SHISA9: variants seen among roughly 807,000 people sequenced by gnomAD.
The protein encoded by SHISA9 is shisa family member 9, also known as protein shisa-9.
A neutral mutation model predicts 38.0 loss-of-function variants in SHISA9; 13 were observed. The observed-to-expected ratio is 0.34, with a 90% CI of 0.22 to 0.54. SHISA9 has a LOEUF of 0.54. Ranked by LOEUF, SHISA9 falls within the 20% of genes least tolerant of loss-of-function variation. The pLI, the probability that SHISA9 is intolerant of heterozygous loss-of-function variation, is 0.91. For missense variants in SHISA9, 538 were observed against 575.8 expected (o/e 0.93, Z 0.67); for synonymous variants, 275 against 242.0 (o/e 1.14, Z -1.27).
At position 13,221,424 on chromosome 16, in the gene SHISA9, G is replaced by A. The variant is rs568842165; in HGVS notation, c.895+8124G>A. Among the ~76,000 whole-genome samples the A allele has an allele frequency of 3.7e-4, 53 of 143,758 alleles. 2 individuals carry two copies. In the South Asian group the frequency reaches 0.012, roughly 32 times the overall value. 94.3% of individuals were successfully genotyped at this position (143,758 alleles called of 152,430 possible). On this transcript the variant is annotated intron_variant, in intron 4 of 4. Coordinates refer to ENST00000558583, the MANE Select transcript of SHISA9 (RefSeq NM_001145204.3). ...TTATACCATGTAGTTCAAAAGAAGA[G>A]AGAAATACCTGGACTTTTTTTTTTT...
chr16:12,937,696 G>A (rs2071552270), intron 2 of SHISA9, among the ~76,000 whole-genome samples: 1 of 152,142 alleles, frequency 6.6e-6, no homozygotes, highest in African/African-American at 2.4e-5. Flanking sequence ...CTTCTGATAA[G>A]GGGACCCACC....
At chr16:13,393,095 G>T in the SHISA9 span, among the ~76,000 whole-genome samples, 1 of 152,172 alleles carries the variant, frequency 6.6e-6, no homozygotes, top group Non-Finnish European at 1.5e-5. Context: ...GGGAAGGTGT[G>T]CCCTGAACCA....
the SHISA9 span, among the ~76,000 whole-genome samples, chr16:13,547,978 A>T: frequency 3.3e-5 from 5 of 152,222 alleles, no homozygotes; most frequent in African/African-American, 1.2e-4. Flanking sequence ...TTACAAGTCT[A>T]TAATATGCAA....
the SHISA9 span, among the ~76,000 whole-genome samples, chr16:13,336,392 T>C: frequency 3.3e-5 from 5 of 152,344 alleles, no homozygotes; most frequent in African/African-American, 1.2e-4. Context: ...TTCAGTGCAC[T>C]GCAATTTATA....
intron 2 of SHISA9, among the ~76,000 whole-genome samples, chr16:12,991,812 A>G (rs992687805): frequency 6.6e-6 from 1 of 152,218 alleles, no homozygotes; most frequent in African/African-American, 2.4e-5. Context: ...CACCAAGATG[A>G]TAAGTGGATA....
At chr16:13,171,972 T>G (rs192089026) in intron 2 of SHISA9, among the ~76,000 whole-genome samples, 1 of 152,276 alleles carries the variant, frequency 6.6e-6, no homozygotes, top group Admixed American at 6.5e-5. Flanking sequence ...ATAACCCAAA[T>G]GAAAATGCTT....
chr16:13,174,570 G>T (rs1015465701), intron 2 of SHISA9, among the ~76,000 whole-genome samples: 13 of 152,242 alleles, frequency 8.5e-5, no homozygotes, highest in African/African-American at 2.7e-4. Flanking sequence ...AAATATTTAT[G>T]AGAAAGAATC....
At chr16:13,251,991 T>A in the SHISA9 span, among the ~76,000 whole-genome samples, 1 of 152,164 alleles carries the variant, frequency 6.6e-6, no homozygotes, top group Admixed American at 6.5e-5. Context: ...AGGTACCATG[T>A]AGGTAAAGAA....
chr16:13,051,186 C>G (rs2073247058), intron 2 of SHISA9, among the ~76,000 whole-genome samples: 1 of 152,186 alleles, frequency 6.6e-6, no homozygotes, highest in African/African-American at 2.4e-5. Flanking sequence ...ACTCACAGTT[C>G]CACATGGCTG....
At chr16:13,022,398 C>T (rs1490413690) in intron 2 of SHISA9, among the ~76,000 whole-genome samples, 1 of 151,934 alleles carries the variant, frequency 6.6e-6, no homozygotes, top group Non-Finnish European at 1.5e-5. Context: ...GTGGCACGGT[C>T]TTGGCTCACT....
At chr16:13,417,332 C>T in the SHISA9 span, among the ~76,000 whole-genome samples, 1 of 152,008 alleles carries the variant, frequency 6.6e-6, no homozygotes, top group Non-Finnish European at 1.5e-5. Context: ...AAAATGGAAG[C>T]CAACTTTCTC....
At chr16:12,909,164 A>T (rs746803037) in intron 1 of SHISA9, 28 of 986,040 alleles carry the variant, frequency 2.8e-5, no homozygotes, top group Non-Finnish European at 3.4e-5. Flanking sequence ...TTTTCTTTGC[A>T]GGGTATGTTG....
intron 1 of SHISA9, among the ~76,000 whole-genome samples, chr16:12,913,914 C>G (rs1043417389): frequency 6.6e-6 from 1 of 152,040 alleles, no homozygotes; most frequent in East Asian, 1.9e-4. Context: ...CATCAGCTGA[C>G]GGCCATTCAG....
chr16:13,516,247 GTTTGC>G, the SHISA9 span, among the ~76,000 whole-genome samples: 1 of 152,224 alleles, frequency 6.6e-6, no homozygotes, highest in South Asian at 2.1e-4. Context: ...TGGCTTCCAT[GTTTGC>G]ACACAGGCAG....
chr16:13,170,070 G>A (rs891443109), intron 2 of SHISA9, among the ~76,000 whole-genome samples: 2 of 152,004 alleles, frequency 1.3e-5, no homozygotes, highest in African/African-American at 4.8e-5. Flanking sequence ...AAGCGTGTTG[G>A]TGTATGCCTG....
At chr16:13,248,865 G>A in the SHISA9 span, among the ~76,000 whole-genome samples, 3 of 152,150 alleles carry the variant, frequency 2.0e-5, no homozygotes, top group South Asian at 2.1e-4. Flanking sequence ...CCAAAACAAG[G>A]ATCTACTTTT....
At chr16:13,263,361 G>T in the SHISA9 span, among the ~76,000 whole-genome samples, 1 of 152,164 alleles carries the variant, frequency 6.6e-6, no homozygotes, top group Non-Finnish European at 1.5e-5. Context: ...CTGGATCACG[G>T]GGCGGAGTTC....
the SHISA9 span, among the ~76,000 whole-genome samples, chr16:13,347,305 G>A: frequency 6.6e-6 from 1 of 152,106 alleles, no homozygotes; most frequent in East Asian, 1.9e-4. Context: ...TGAGGATCCT[G>A]GGGTCATAGC....
chr16:13,295,822 T>C, the SHISA9 span, among the ~76,000 whole-genome samples: 1 of 152,184 alleles, frequency 6.6e-6, no homozygotes, highest in South Asian at 2.1e-4. Context: ...ATGCATGAAG[T>C]GTGCCAAAGA....
Sources: allele counts gnomAD v4.1 joint callset (sites outside exome capture counted in the v4.1 genomes callset), GRCh38; gene constraint gnomAD v4.1.1; transcripts MANE v1.5; gene names NCBI Gene and HGNC (gene_info 2026-07-23, HGNC 2026-07-21).